Variants in EPB41 observed in about 807,000 individuals in gnomAD.
EPB41 encodes protein 4.1.
In EPB41, 65 loss-of-function variants were observed where a neutral mutation model predicts 108.0. The ratio of observed to expected loss-of-function variants is 0.60; its 90% CI spans 0.49 to 0.74. EPB41 has a LOEUF of 0.74. EPB41 is among the 30% of genes least tolerant of loss of function. EPB41 has a pLI of 0.00. For missense variants in EPB41, 875 were observed against 1,037.0 expected (o/e 0.84, Z 2.15); for synonymous variants, 336 against 358.9 (o/e 0.94, Z 0.72).
chr1:29,033,772 A>G (rs929748517), intron 9 of EPB41, among the ~76,000 whole-genome samples: 8 of 152,202 alleles, frequency 5.3e-5, no homozygotes, highest in Non-Finnish European at 5.9e-5. Flanking sequence ...AATGCTGGCC[A>G]AATTTAACTT....
Position 28,887,711 on chromosome 1 carries a change from G to A in EPB41, c.-8+501G>A, listed in dbSNP as rs2089592946. The A allele has an allele frequency of 1.0e-6, 1 of 984,462 alleles. No homozygotes were observed. Among genetic ancestry groups the A allele is most frequent in the Non-Finnish European group, 1.2e-6 (1 of 829,206 alleles). 61.0% of individuals were successfully genotyped at this position (984,462 alleles called of 1,614,324 possible). On this transcript the variant is annotated intron_variant, in intron 1 of 16. Transcript: ENST00000347529. This position sits in a 1 kb window ranked among gnomAD's most constrained non-coding sequence, Gnocchi z 4.9. ...CTCCGGCCCTTACGTAACTGACTTT[G>A]AGTTTCCGGACCCAGGAACCGACCC...
At chr1:29,008,375 T>C (rs1261189507) in intron 4 of EPB41, among the ~76,000 whole-genome samples, 5 of 152,210 alleles carry the variant, frequency 3.3e-5, no homozygotes, top group Non-Finnish European at 7.4e-5. Context: ...GCTTTTAGTA[T>C]ACATCAAATA....
intron 1 of EPB41, among the ~76,000 whole-genome samples, chr1:28,899,534 G>A (rs771409104): frequency 5.9e-5 from 9 of 152,196 alleles, no homozygotes; most frequent in Non-Finnish European, 1.0e-4. Context: ...AAAGCAGAGA[G>A]TAGGAAGGGC....
At chr1:28,961,530 T>C (rs900986062) in intron 1 of EPB41, among the ~76,000 whole-genome samples, 7 of 152,180 alleles carry the variant, frequency 4.6e-5, no homozygotes, top group African/African-American at 1.7e-4. Context: ...CTGTAGGACA[T>C]TGAATAGGTG....
chr1:28,947,405 T>TCAGACAGA (rs749360542), intron 1 of EPB41, among the ~76,000 whole-genome samples: 6 of 114,564 alleles, frequency 5.2e-5, no homozygotes, highest in Non-Finnish European at 8.8e-5. Flanking sequence ...AGACTCCGTC[T>TCAGACAGA]CAGACAAACA....
chr1:28,958,301 T>A (rs1268332259), intron 1 of EPB41, among the ~76,000 whole-genome samples: 1 of 152,124 alleles, frequency 6.6e-6, no homozygotes, highest in African/African-American at 2.4e-5. Flanking sequence ...ATACAAAGAT[T>A]AGCCGGGTAT....
intron 7 of EPB41, among the ~76,000 whole-genome samples, chr1:29,020,767 C>T (rs7553301): frequency 0.12 from 18,658 of 151,940 alleles, 1,578 homozygotes; most frequent in African/African-American, 0.25. Context: ...AAGTGATCGT[C>T]TCATCTCAGC....
At chr1:29,070,479 T>G in intron 16 of EPB41, 3 of 1,232,180 alleles carry the variant, frequency 2.4e-6, no homozygotes, top group Non-Finnish European at 3.0e-6. Context: ...AAGGTTTCTA[T>G]TCCAATCCCT....
intron 4 of EPB41, among the ~76,000 whole-genome samples, chr1:29,010,977 G>T (rs1300037672): frequency 1.3e-5 from 2 of 152,040 alleles, no homozygotes; most frequent in Non-Finnish European, 2.9e-5. Flanking sequence ...GCTGGGCATG[G>T]CATGGTGGCA....
chr1:29,010,090 A>C (rs151282132), intron 4 of EPB41, among the ~76,000 whole-genome samples: 1 of 152,218 alleles, frequency 6.6e-6, no homozygotes, highest in East Asian at 1.9e-4. Flanking sequence ...TAATCTCAGC[A>C]CTTTGGGAGG....
Position 29,117,239 on chromosome 1 carries a change from C to T in EPB41, c.*427C>T, listed in dbSNP as rs557561563. 4 of 152,630 alleles carry T rather than the reference C, an allele frequency of 2.6e-5. No individual in the cohort carries two copies. The highest frequency in any genetic ancestry group is 7.2e-5 in the African/African-American group (3 of 41,448). The allele number at this position is 152,630 out of a possible 1,614,324, so 9.5% of individuals were successfully genotyped here. On this transcript the variant is annotated 3_prime_UTR_variant, in exon 21 of 21. Transcript: ENST00000343067. ...CAAAGCCAGCTTAGTGGGACTTCCG[C>T]GTCTCTCCCTAGTCTTATCCCCTTT...
chr1:28,962,822 C>T (rs2095257804), intron 1 of EPB41, among the ~76,000 whole-genome samples: 1 of 152,140 alleles, frequency 6.6e-6, no homozygotes, highest in South Asian at 2.1e-4. Flanking sequence ...GCATTTATGG[C>T]TCGCAGTATG....
At chr1:28,906,073 C>T (rs2091803884) in intron 1 of EPB41, among the ~76,000 whole-genome samples, 1 of 152,136 alleles carries the variant, frequency 6.6e-6, no homozygotes, top group East Asian at 1.9e-4. Context: ...CCTCCCTCGG[C>T]CTCCCAAAGT....
chr1:29,027,112 T>C (rs530702521), intron 7 of EPB41, among the ~76,000 whole-genome samples: 3 of 151,770 alleles, frequency 2.0e-5, no homozygotes, highest in Non-Finnish European at 2.9e-5. Flanking sequence ...AAAAAATTCT[T>C]AAGTTAGAAT....
intron 2 of EPB41, among the ~76,000 whole-genome samples, chr1:28,989,849 TG>T (rs1227162821): frequency 3.9e-5 from 6 of 152,286 alleles, no homozygotes; most frequent in African/African-American, 1.4e-4. Context: ...AAACATTGCC[TG>T]GCATTTAATA....
chr1:29,047,405 G>A (rs1310441372), intron 11 of EPB41, among the ~76,000 whole-genome samples: 1 of 146,604 alleles, frequency 6.8e-6, no homozygotes, highest in African/African-American at 2.5e-5. Flanking sequence ...TCACGCTACC[G>A]CGCCTGGCTA....
chr1:29,039,441 T>G lies in EPB41; in HGVS notation c.1636+15T>G, dbSNP rs553954879. On this transcript the variant is annotated intron_variant, in intron 11 of 20. Coordinates refer to ENST00000343067, the MANE Select transcript of EPB41 (RefSeq NM_001376013.1). ...CCTCGATGGAGGTTTGTATTGAATA[T>G]TAATGATTTCTTGTGATCATAATTC... 2 of 1,613,288 alleles carry G rather than the reference T, an allele frequency of 1.2e-6. No individual in the cohort carries two copies. The highest frequency in any genetic ancestry group is 2.7e-5 in the African/African-American group (2 of 75,012).
intron 1 of EPB41, among the ~76,000 whole-genome samples, chr1:28,941,085 T>A (rs1011730010): frequency 5.3e-5 from 8 of 151,704 alleles, no homozygotes; most frequent in Admixed American, 5.3e-4. Flanking sequence ...TGAAGTTAAA[T>A]AATGAAGAAG....
intron 7 of EPB41, among the ~76,000 whole-genome samples, chr1:29,022,645 T>C (rs567996601): frequency 6.6e-6 from 1 of 151,918 alleles, no homozygotes; most frequent in South Asian, 2.1e-4. Context: ...CACTTTAACC[T>C]GGGAGGCGGT....
Sources: allele counts gnomAD v4.1 joint callset (sites outside exome capture counted in the v4.1 genomes callset), GRCh38; gene constraint gnomAD v4.1.1; non-coding constraint Gnocchi (gnomAD v3.1); transcripts MANE v1.5; gene names NCBI Gene and HGNC (gene_info 2026-07-23, HGNC 2026-07-21).